TRIM36: variants seen among roughly 807,000 people sequenced by gnomAD.
TRIM36 encodes E3 ubiquitin-protein ligase TRIM36.
TRIM36 carries 42 observed loss-of-function variants against 72.4 expected under a neutral mutation model. The observed-to-expected ratio is 0.58, with a 90% CI of 0.45 to 0.75. The LOEUF (loss-of-function observed/expected upper bound fraction) is 0.75, where lower values mean the gene tolerates loss of function less well. TRIM36 is among the 30% of genes least tolerant of loss of function. TRIM36 has a pLI of 0.00. For synonymous variants in TRIM36, 315 were observed against 282.8 expected (o/e 1.11, Z -1.14); for missense variants, 913 against 857.1 (o/e 1.07, Z -0.81).
intron 5 of TRIM36, among the ~76,000 whole-genome samples, chr5:115,139,391 G>A (rs1458842595): frequency 6.6e-6 from 1 of 152,228 alleles, no homozygotes; most frequent in South Asian, 2.1e-4. Flanking sequence ...AAAGTGCTGA[G>A]ATTACAGGCG....
chr5:115,141,093 G>A (rs1278376932), intron 5 of TRIM36, among the ~76,000 whole-genome samples, 186 bp downstream of exon 5: 4 of 152,054 alleles, frequency 2.6e-5, no homozygotes, highest in Admixed American at 2.6e-4. Context: ...TACCACAGAA[G>A]TGACCACACA....
chr5:115,151,987 A>G (rs1044758572), intron 2 of TRIM36, among the ~76,000 whole-genome samples: 14 of 152,120 alleles, frequency 9.2e-5, no homozygotes, highest in Non-Finnish European at 1.8e-4. Flanking sequence ...AGCAAAAATC[A>G]CACTAGCTCA....
intron 2 of TRIM36, among the ~76,000 whole-genome samples, chr5:115,148,170 A>C (rs1476342807): frequency 1.3e-5 from 2 of 152,184 alleles, no homozygotes; most frequent in African/African-American, 2.4e-5. Context: ...ACCTGAAACA[A>C]AGAATCATTA....
Position 115,163,618 on chromosome 5 carries a change from A to C in TRIM36, c.162T>G (p.Asp54Glu). The change falls in exon 2 of 10, where the codon GAT becomes GAG. Residue 54 changes from aspartate to glutamate, a missense_variant. Transcript: ENST00000513154. ...TGTCTGATCCCACATCGTTGAATGA[A>C]TCATCGAGAGTCAGCAGGAGTTCTT... ...CVKELLLTLDDSFNDVGSDNS... is the reference protein window; with the variant it reads ...CVKELLLTLDESFNDVGSDNS... 1 of 1,614,188 alleles carries C rather than the reference A, an allele frequency of 6.2e-7. No homozygotes were observed. The highest frequency in any genetic ancestry group is 1.1e-5 in the South Asian group (1 of 91,076).
In TRIM36 at chr5:115,141,836, T is replaced by C. The variant is rs79068147; in HGVS notation, c.736-462A>G. Among the ~76,000 whole-genome samples the C allele has an allele frequency of 9.8e-3, 1,488 of 152,204 alleles. 24 individuals carry two copies. Among genetic ancestry groups the C allele is most frequent in the African/African-American group, 0.024 (1,014 of 41,550 alleles). On this transcript the variant is annotated intron_variant, in intron 4 of 9. Coordinates refer to ENST00000513154, the MANE Select transcript of TRIM36 (RefSeq NM_001300759.2). ...CAACAAAGAGACTTCCAAAATAATA[T>C]TGACAGTTCATCCCAGCCTATTAAA...
intron 1 of TRIM36, among the ~76,000 whole-genome samples, chr5:115,167,263 A>T (rs959406617): frequency 6.6e-6 from 1 of 152,152 alleles, no homozygotes; most frequent in Non-Finnish European, 1.5e-5. Flanking sequence ...TCTCTTCATT[A>T]ATGCACCTGT....
At chr5:115,130,392 G>T (rs1752610672) in intron 9 of TRIM36, among the ~76,000 whole-genome samples, 200 bp downstream of exon 9, 2 of 152,180 alleles carry the variant, frequency 1.3e-5, no homozygotes, top group South Asian at 4.1e-4. Flanking sequence ...ATTTCCTCAT[G>T]ATATTAAAAA....
chr5:115,179,950 C>A (rs188683469), intron 1 of TRIM36: 2 of 1,612,092 alleles, frequency 1.2e-6, no homozygotes, highest in East Asian at 4.5e-5. Flanking sequence ...GCCCAGGCCG[C>A]GGCGCCCCGC....
chr5:115,172,284 C>T (rs1025292847), upstream of TRIM36, among the ~76,000 whole-genome samples: 1 of 152,152 alleles, frequency 6.6e-6, no homozygotes, highest in Non-Finnish European at 1.5e-5. Flanking sequence ...AGCAATTCCA[C>T]ATCTAAGAAT....
chr5:115,138,927 T>C (rs939916563), intron 5 of TRIM36, among the ~76,000 whole-genome samples: 2 of 152,098 alleles, frequency 1.3e-5, no homozygotes, highest in Non-Finnish European at 2.9e-5. Context: ...GCCATTCTCC[T>C]GCCTCAGCCT....
intron 2 of TRIM36, among the ~76,000 whole-genome samples, chr5:115,154,296 C>CCAAA (rs554086547): frequency 8.1e-4 from 123 of 151,506 alleles, no homozygotes; most frequent in Admixed American, 1.8e-3. Context: ...CAAGAACAAA[C>CCAAA]CAAACCCAAA....
chr5:115,147,866 T>C (rs1450278381), intron 2 of TRIM36, among the ~76,000 whole-genome samples: 1 of 152,188 alleles, frequency 6.6e-6, no homozygotes, highest in Non-Finnish European at 1.5e-5. Flanking sequence ...CCCAGGCAGA[T>C]CCATGAACTA....
At chr5:115,175,966 A>T (rs1254800154) in intron 1 of TRIM36, among the ~76,000 whole-genome samples, 3 of 152,084 alleles carry the variant, frequency 2.0e-5, no homozygotes, top group Non-Finnish European at 2.9e-5. Flanking sequence ...CTCTACTAAT[A>T]ATACAAAAAA....
At chr5:115,177,797 A>C in intron 1 of TRIM36, 1 of 1,614,168 alleles carries the variant, frequency 6.2e-7, no homozygotes, top group Non-Finnish European at 8.5e-7. Flanking sequence ...GAGATTTCAA[A>C]GGGACAGCGG....
intron 9 of TRIM36, 142 bp from the exon 10 acceptor site, chr5:115,126,999 T>A (rs1752392741): frequency 2.3e-6 from 2 of 855,504 alleles, no homozygotes; most frequent in African/African-American, 3.4e-5. Flanking sequence ...ATCAAAAACA[T>A]AAAAATGACA....
chr5:115,157,573 A>G (rs1248469418), intron 2 of TRIM36, among the ~76,000 whole-genome samples: 1 of 152,116 alleles, frequency 6.6e-6, no homozygotes, highest in Non-Finnish European at 1.5e-5. Context: ...TCAAAAAAAA[A>G]AGTACTAAAA....
chr5:115,133,182 A>C (rs74931505), intron 8 of TRIM36, among the ~76,000 whole-genome samples: 3 of 152,200 alleles, frequency 2.0e-5, no homozygotes, highest in African/African-American at 7.2e-5. Context: ...GCTGAGCACA[A>C]TTTTGGTTCT....
intron 4 of TRIM36, among the ~76,000 whole-genome samples, chr5:115,141,996 G>A (rs1009851229): frequency 2.0e-5 from 3 of 152,006 alleles, no homozygotes; most frequent in Non-Finnish European, 4.4e-5. Flanking sequence ...CTAAGTTTTG[G>A]TGAGATCCCT....
rs1430864493 is a variant in TRIM36, at chr5:115,130,701, A to G, written c.1687T>C (p.Phe563Leu). The G allele has an allele frequency of 6.2e-7, 1 of 1,614,040 alleles. No individual in the cohort carries two copies. The highest frequency in any genetic ancestry group is 1.1e-5 in the South Asian group (1 of 91,082). The change falls in exon 9 of 10, where the codon TTC becomes CTC. Residue 563 changes from phenylalanine (F) to leucine (L), a missense_variant. By Grantham distance (22) the Phe-to-Leu change is conservative (BLOSUM62 0). Coordinates refer to ENST00000513154, the MANE Select transcript of TRIM36 (RefSeq NM_001300759.2). The part of the protein sequence containing the change: ...GDTGITKGKH[F>L]WAFRVEPYSY... ...TATGGTTCCACACGGAAGGCCCAGAAGTGTTTTCCTTTTGTAATGCCAGTA... is the reference window on the plus strand; with the variant it reads ...TATGGTTCCACACGGAAGGCCCAGAGGTGTTTTCCTTTTGTAATGCCAGTA...
Sources: gnomAD v4.1 joint callset for allele counts (sites outside exome capture counted in the v4.1 genomes callset) on GRCh38, gnomAD v4.1.1 for gene constraint, MANE v1.5 for transcripts, NCBI Gene and HGNC (gene_info 2026-07-23, HGNC 2026-07-21) for gene names.